The following MYO9A variants were observed in gnomAD, a reference collection of about 807,000 sequenced individuals.
MYO9A encodes unconventional myosin-IXa.
MYO9A carries 103 observed loss-of-function variants against 293.3 expected under a neutral mutation model. The observed-to-expected ratio is 0.35, with a 90% CI of 0.30 to 0.41. The LOEUF is 0.41. MYO9A is among the 10% of genes least tolerant of loss of function. The pLI is 1.00. For synonymous variants in MYO9A, 1,001 were observed against 1,035.7 expected (o/e 0.97, Z 0.64); for missense variants, 2,685 against 3,033.0 (o/e 0.89, Z 2.69).
At chr15:71,903,459 G>C (rs150121718) in intron 21 of MYO9A, among the ~76,000 whole-genome samples, 1 of 152,304 alleles carries the variant, frequency 6.6e-6, no homozygotes, top group African/African-American at 2.4e-5. Flanking sequence ...GCAAAGACTT[G>C]CTCAGTTGCT....
At position 72,037,159 on chromosome 15, in the gene MYO9A, C is replaced by T. The variant is rs72731402; in HGVS notation, c.841-4571G>A. On this transcript the variant is annotated intron_variant, in intron 2 of 41. Transcript: ENST00000356056. Reference sequence around the variant, plus strand: ...TGCTTAAAACAGCCTCTTCACACTCCCCACTGCACCCACCCACCATCACTA... The same window carrying T: ...TGCTTAAAACAGCCTCTTCACACTCTCCACTGCACCCACCCACCATCACTA... 4.4e-3 allele frequency among the ~76,000 whole-genome samples: 667 copies of T among 151,572 alleles called. 3 individuals are homozygous for T. The highest frequency in any genetic ancestry group is 7.8e-3 in the Non-Finnish European group (531 of 67,894).
At chr15:71,969,770 G>A (rs551875754) in intron 12 of MYO9A, among the ~76,000 whole-genome samples, 5 of 152,162 alleles carry the variant, frequency 3.3e-5, no homozygotes, top group African/African-American at 9.6e-5. Flanking sequence ...GAAAGTTCCT[G>A]CATTCAACAG....
At chr15:71,857,122 G>C (rs2055895278) in intron 34 of MYO9A, among the ~76,000 whole-genome samples, 1 of 151,966 alleles carries the variant, frequency 6.6e-6, no homozygotes, top group Admixed American at 6.6e-5. Flanking sequence ...TATGACTTGT[G>C]GAAGCAAAAT....
At chr15:72,111,158 C>CAA (rs1271617538) in intron 1 of MYO9A, among the ~76,000 whole-genome samples, 2 of 102,342 alleles carry the variant, frequency 2.0e-5, no homozygotes, top group Non-Finnish European at 4.1e-5. Flanking sequence ...GACTCCATCT[C>CAA]AAAAAAAAAA....
chr15:71,928,058 T>TATTATTATTATTA (rs2058373166), intron 18 of MYO9A, among the ~76,000 whole-genome samples: 1 of 3,712 alleles, frequency 2.7e-4, no homozygotes, highest in African/African-American at 6.2e-4. Context: ...ATATATATAT[T>TATTATTATTATTA]TTTTTTTTTT....
At chr15:71,873,253 G>C (rs2056577547) in intron 32 of MYO9A, among the ~76,000 whole-genome samples, 2 of 152,044 alleles carry the variant, frequency 1.3e-5, no homozygotes, top group Admixed American at 1.3e-4. Flanking sequence ...AAACATCTTG[G>C]TGAATGTCCC....
At chr15:71,852,032 A>C in intron 36 of MYO9A, 100 bp downstream of exon 36, 1 of 1,294,640 alleles carries the variant, frequency 7.7e-7, no homozygotes, top group South Asian at 2.1e-5. Flanking sequence ...TGAATCTATA[A>C]GAATTAAACC....
intron 11 of MYO9A, among the ~76,000 whole-genome samples, chr15:71,988,112 T>C (rs1241149834): frequency 1.3e-5 from 2 of 152,222 alleles, no homozygotes; most frequent in Admixed American, 6.5e-5. Context: ...TCAAAATCAA[T>C]TTAACCAATG....
chr15:72,113,965 G>A (rs1008486197), intron 1 of MYO9A, among the ~76,000 whole-genome samples: 4 of 152,140 alleles, frequency 2.6e-5, no homozygotes, highest in African/African-American at 9.7e-5. Flanking sequence ...TAGTTATAAG[G>A]AGCAGAAATT....
chr15:71,825,054 G>A lies in MYO9A; in HGVS notation c.*1526C>T, dbSNP rs906464385. On this transcript the variant is annotated 3_prime_UTR_variant, in exon 42 of 42. Transcript: ENST00000356056. ...AGCAGTGCATGTAGTAGCAAGACAAGATGCATTTAGTAACTTTAAAAATAA... is the reference window on the plus strand; with the variant it reads ...AGCAGTGCATGTAGTAGCAAGACAAAATGCATTTAGTAACTTTAAAAATAA... The A allele has an allele frequency of 2.0e-5, 3 of 152,204 alleles. No homozygotes were observed. The highest frequency in any genetic ancestry group is 2.1e-4 in the South Asian group (1 of 4,832). 9.4% of individuals were successfully genotyped at this position (152,204 alleles called of 1,614,324 possible).
chr15:72,098,886 G>A (rs1256837651), intron 1 of MYO9A, among the ~76,000 whole-genome samples: 1 of 151,248 alleles, frequency 6.6e-6, no homozygotes, highest in Non-Finnish European at 1.5e-5. Context: ...TAAAAACGAA[G>A]AAGTGATAAG....
chr15:71,913,874 C>T (rs2057931557), intron 19 of MYO9A, among the ~76,000 whole-genome samples: 3 of 84,434 alleles, frequency 3.6e-5, no homozygotes, highest in African/African-American at 1.0e-4. Flanking sequence ...TACCTAATGC[C>T]TCATGTAATA....
At chr15:71,901,763 A>G (rs1265042715) in intron 22 of MYO9A, among the ~76,000 whole-genome samples, 2 of 152,310 alleles carry the variant, frequency 1.3e-5, no homozygotes, top group African/African-American at 4.8e-5. Context: ...ATTATGATAC[A>G]TTAGTCCATT....
At chr15:71,862,695 G>C (rs2056186217) in intron 32 of MYO9A, 84 bp from the exon 33 acceptor site, 1 of 822,488 alleles carries the variant, frequency 1.2e-6, no homozygotes, top group Non-Finnish European at 2.0e-6. Context: ...TCAATCTCTT[G>C]TTAAGTCTTC....
Position 71,822,401 on chromosome 15 carries a change from A to AGAT in MYO9A, c.*4176_*4178dup, listed in dbSNP as rs1282548288. 1 of 152,192 alleles carries AGAT rather than the reference A, an allele frequency of 6.6e-6. No homozygotes were observed. Among genetic ancestry groups the AGAT allele is most frequent in the Non-Finnish European group, 1.5e-5 (1 of 68,052 alleles). The allele number at this position is 152,192 out of a possible 1,614,324, so 9.4% of individuals were successfully genotyped here. A position where few individuals can be genotyped will look rare whatever the true frequency, so the allele number is the denominator to read the frequency against. Reference sequence around the variant, plus strand: ...GAGTGACACAAACTGCACTTTATACAGATGGTATCTTGTTACCCCTCAACC... The same window carrying AGAT: ...GAGTGACACAAACTGCACTTTATACAGATGATGGTATCTTGTTACCCCTCAACC... On this transcript the variant is annotated 3_prime_UTR_variant, in exon 42 of 42. Transcript: ENST00000356056.
Position 71,899,795 on chromosome 15 carries a change from C to A in MYO9A, c.3362G>T (p.Cys1121Phe). 6.2e-7 allele frequency: 1 copy of A among 1,614,134 alleles called. No individual in the cohort carries two copies. The highest frequency in any genetic ancestry group is 8.5e-7 in the Non-Finnish European group (1 of 1,180,028). ...GTAGGCTTTCCATCTTGCTTGTATG[C>A]AAATAGCAGCCATGTGCCTGCGCCT... ...YYRRRHMAAICIQARWKAYRE... is the reference protein window; with the variant it reads ...YYRRRHMAAIFIQARWKAYRE... Residue 1121 changes from cysteine (C) to phenylalanine (F), a missense_variant, in exon 24 of 42, where the codon TGC (cysteine) becomes TTC (phenylalanine). This residue lies in a region of MYO9A where 1,434 missense variants were observed against 1,497.7 expected (regional missense o/e 0.96). Transcript: ENST00000356056.
chr15:72,045,602 T>A, intron 2 of MYO9A, 122 bp downstream of exon 2: 3 of 1,127,478 alleles, frequency 2.7e-6, no homozygotes, highest in South Asian at 3.6e-5. Context: ...TGGAACAGTA[T>A]CTTGCTTGAT....
intron 6 of MYO9A, among the ~76,000 whole-genome samples, chr15:72,014,096 T>C (rs1477419118): frequency 6.6e-6 from 1 of 152,206 alleles, no homozygotes; most frequent in East Asian, 1.9e-4. Context: ...CATGAGACAC[T>C]GTCCAGTTCC....
At chr15:71,980,380 C>T (rs767252958) in intron 11 of MYO9A, among the ~76,000 whole-genome samples, 47 of 152,196 alleles carry the variant, frequency 3.1e-4, no homozygotes, top group Admixed American at 8.5e-4. Flanking sequence ...CTCCAATACT[C>T]GTATTGTCTG....
Sources: allele counts gnomAD v4.1 joint callset (sites outside exome capture counted in the v4.1 genomes callset), GRCh38; gene constraint gnomAD v4.1.1; regional missense constraint gnomAD v4.1.1; transcripts MANE v1.5; gene names NCBI Gene and HGNC (gene_info 2026-07-23, HGNC 2026-07-21).